The following SCHIP1 variants were observed in gnomAD, a reference collection of about 807,000 sequenced individuals.
SCHIP1 encodes schwannomin-interacting protein 1.
In SCHIP1, 8 loss-of-function variants were observed where a neutral mutation model predicts 29.7. The observed-to-expected ratio is 0.27, with a 90% CI of 0.16 to 0.49. The LOEUF (loss-of-function observed/expected upper bound fraction) is 0.49. Among genes scored for constraint, SCHIP1 ranks in the 20% least tolerant of loss-of-function variants. SCHIP1 has a pLI of 0.99. For missense variants in SCHIP1, 193 were observed against 294.6 expected (o/e 0.66, Z 2.52); for synonymous variants, 76 against 94.9 (o/e 0.80, Z 1.16).
At chr3:159,487,849 T>C in the SCHIP1 span, among the ~76,000 whole-genome samples, 1 of 152,182 alleles carries the variant, frequency 6.6e-6, no homozygotes, top group Non-Finnish European at 1.5e-5. Flanking sequence ...TGGCTAAAGT[T>C]TTTACGTTAG....
the SCHIP1 span, chr3:159,273,996 A>T: frequency 6.6e-7 from 1 of 1,507,004 alleles, no homozygotes. Flanking sequence ...GATGGCCTTC[A>T]TTACATTTTT....
At chr3:159,683,769 C>T in the SCHIP1 span, among the ~76,000 whole-genome samples, 2 of 152,218 alleles carry the variant, frequency 1.3e-5, no homozygotes, top group Admixed American at 6.5e-5. Flanking sequence ...TATTTCCATT[C>T]AACCAGAGCT....
intron 2 of SCHIP1, among the ~76,000 whole-genome samples, chr3:159,877,475 A>T (rs1310654681): frequency 6.6e-6 from 1 of 152,272 alleles, no homozygotes; most frequent in African/African-American, 2.4e-5. Flanking sequence ...AAACTAAATC[A>T]TGAAAGCCAG....
the SCHIP1 span, among the ~76,000 whole-genome samples, chr3:159,371,464 A>G: frequency 1.9e-4 from 29 of 152,210 alleles, no homozygotes; most frequent in Non-Finnish European, 7.4e-5. Context: ...CAATTTATCA[A>G]TTGGATGAGA....
the SCHIP1 span, among the ~76,000 whole-genome samples, chr3:159,695,800 T>C: frequency 3.9e-4 from 59 of 152,266 alleles, no homozygotes; most frequent in Middle Eastern, 6.8e-3. Context: ...GAATTCTCAG[T>C]GAAGAGACCA....
At chr3:159,609,571 A>G in the SCHIP1 span, among the ~76,000 whole-genome samples, 1 of 152,022 alleles carries the variant, frequency 6.6e-6, no homozygotes, top group African/African-American at 2.4e-5. Context: ...GGTTCAACCA[A>G]AAAGATTGTA....
the SCHIP1 span, among the ~76,000 whole-genome samples, chr3:159,663,740 A>T: frequency 6.6e-6 from 1 of 152,204 alleles, no homozygotes; most frequent in Non-Finnish European, 1.5e-5. Context: ...TATTTATTTC[A>T]AATTGTTTTT....
At chr3:159,567,002 T>C in the SCHIP1 span, among the ~76,000 whole-genome samples, 3 of 152,332 alleles carry the variant, frequency 2.0e-5, no homozygotes, top group Middle Eastern at 3.4e-3. Flanking sequence ...TTCAGACTTT[T>C]AAATTTTTGG....
At chr3:159,328,130 C>A in the SCHIP1 span, among the ~76,000 whole-genome samples, 4 of 152,036 alleles carry the variant, frequency 2.6e-5, no homozygotes, top group Non-Finnish European at 5.9e-5. Context: ...TTTAAATTAC[C>A]GAAAATTAAA....
At chr3:159,775,054 A>G in the SCHIP1 span, among the ~76,000 whole-genome samples, 1 of 152,206 alleles carries the variant, frequency 6.6e-6, no homozygotes, top group South Asian at 2.1e-4. Context: ...AGTAGACCCA[A>G]ACAAAAAGCT....
chr3:159,802,327 C>A, the SCHIP1 span, among the ~76,000 whole-genome samples: 1 of 152,196 alleles, frequency 6.6e-6, no homozygotes. Context: ...GCCAAGGCTC[C>A]TGATCTCCTG....
chr3:159,764,183 G>T, the SCHIP1 span: 1 of 438,006 alleles, frequency 2.3e-6, no homozygotes, highest in South Asian at 5.6e-5. This position sits in a 1 kb window ranked among gnomAD's most constrained non-coding sequence, Gnocchi z 6.1. Flanking sequence ...TGTATGAAAA[G>T]TGTGCGCGCT....
At chr3:159,323,891 G>A in the SCHIP1 span, among the ~76,000 whole-genome samples, 1 of 152,170 alleles carries the variant, frequency 6.6e-6, no homozygotes, top group Non-Finnish European at 1.5e-5. Context: ...AGTTGGTTAG[G>A]AGTGCATATT....
chr3:159,788,157 G>A, the SCHIP1 span, among the ~76,000 whole-genome samples: 1 of 152,196 alleles, frequency 6.6e-6, no homozygotes, highest in Non-Finnish European at 1.5e-5. Context: ...TGACGTGGGA[G>A]TAGAGATGAG....
At chr3:159,422,978 T>C in the SCHIP1 span, among the ~76,000 whole-genome samples, 1 of 152,106 alleles carries the variant, frequency 6.6e-6, no homozygotes, top group Non-Finnish European at 1.5e-5. Flanking sequence ...GAATTTCAGG[T>C]TCCAACACCC....
At chr3:159,525,217 CTTAGT>C in the SCHIP1 span, among the ~76,000 whole-genome samples, 32 of 152,258 alleles carry the variant, frequency 2.1e-4, no homozygotes, top group African/African-American at 7.2e-4. Flanking sequence ...ATGCCATTTC[CTTAGT>C]TTATTTTTCT....
chr3:159,550,687 T>C, the SCHIP1 span, among the ~76,000 whole-genome samples: 1 of 152,178 alleles, frequency 6.6e-6, no homozygotes, highest in Non-Finnish European at 1.5e-5. Context: ...TATCTCATAA[T>C]TGATTGGCAT....
chr3:159,729,879 A>C, the SCHIP1 span, among the ~76,000 whole-genome samples: 1 of 152,214 alleles, frequency 6.6e-6, no homozygotes, highest in Non-Finnish European at 1.5e-5. Context: ...TCAATAAGAC[A>C]CTGGTTAAAT....
the SCHIP1 span, among the ~76,000 whole-genome samples, chr3:159,769,946 C>G: frequency 1.3e-5 from 2 of 152,298 alleles, no homozygotes; most frequent in Admixed American, 1.3e-4. Context: ...TATCCTTGCA[C>G]TCCTTTGTAA....
Sources: allele counts gnomAD v4.1 joint callset (sites outside exome capture counted in the v4.1 genomes callset), GRCh38; gene constraint gnomAD v4.1.1; non-coding constraint Gnocchi (gnomAD v3.1); transcripts MANE v1.5; gene names NCBI Gene and HGNC (gene_info 2026-07-23, HGNC 2026-07-21).